Variants in NSMCE2 observed in about 807,000 individuals in gnomAD.
NSMCE2 encodes the protein NSE2 SUMO ligase component of SMC5/6 complex.
A neutral mutation model predicts 23.8 loss-of-function variants in NSMCE2; 24 were observed. That is an observed-to-expected ratio of 1.01 (90% CI 0.73 to 1.42). The LOEUF is 1.42. Among genes scored for constraint, NSMCE2 ranks in the 40% most tolerant of loss-of-function variants. NSMCE2 has a pLI of 0.00. For synonymous variants in NSMCE2, 92 were observed against 94.1 expected (o/e 0.98, Z 0.13); for missense variants, 284 against 296.5 (o/e 0.96, Z 0.31).
chr8:125,250,429 A>G (rs1321658231), intron 5 of NSMCE2, among the ~76,000 whole-genome samples: 1 of 152,148 alleles, frequency 6.6e-6, no homozygotes, highest in East Asian at 1.9e-4. Flanking sequence ...AGGTTAGACT[A>G]CCTCTATTGA....
At chr8:125,262,071 T>C (rs997847808) in intron 5 of NSMCE2, among the ~76,000 whole-genome samples, 3 of 151,528 alleles carry the variant, frequency 2.0e-5, no homozygotes, top group African/African-American at 7.3e-5. Flanking sequence ...CACTCCAGCC[T>C]GGGTGACAGG....
chr8:125,359,853 G>A (rs753062775), intron 7 of NSMCE2, among the ~76,000 whole-genome samples: 2 of 152,108 alleles, frequency 1.3e-5, no homozygotes, highest in Non-Finnish European at 2.9e-5. Context: ...CATGGGAGAC[G>A]AGGACAGTTT....
Position 125,357,259 on chromosome 8 carries a change from A to G in NSMCE2, c.459A>G (p.Gly153=). ...QADREADGTE[G]VDEDIIVTQS... ...ACAGAGAAGCTGACGGAACAGAAGG[A>G]GTGGATGAAGATATAATTGTGACCC... Residue 153 remains glycine (G), a synonymous_variant, in exon 6 of 8, where the codon GGA becomes GGG. Coordinates refer to ENST00000287437, the MANE Select transcript of NSMCE2 (RefSeq NM_173685.4). The G allele has an allele frequency of 6.2e-7, 1 of 1,613,860 alleles. No homozygotes were observed. Among genetic ancestry groups the G allele is most frequent in the East Asian group, 2.2e-5 (1 of 44,878 alleles).
At chr8:125,272,699 G>GATATATATATATATATAATAT (rs1242700898) in intron 5 of NSMCE2, among the ~76,000 whole-genome samples, 2 of 125,462 alleles carry the variant, frequency 1.6e-5, no homozygotes, top group African/African-American at 6.5e-5. Context: ...AGCTACTTGG[G>GATATATATATATATATAATAT]ATATATATAT....
intron 5 of NSMCE2, among the ~76,000 whole-genome samples, chr8:125,302,528 G>A (rs57687393): frequency 0.02 from 3,109 of 152,226 alleles, 106 homozygotes; most frequent in African/African-American, 0.071. Flanking sequence ...GGTTAATATG[G>A]GGTGAGAATT....
chr8:125,308,516 C>T (rs1012214085), intron 5 of NSMCE2, among the ~76,000 whole-genome samples: 9 of 152,106 alleles, frequency 5.9e-5, no homozygotes, highest in Non-Finnish European at 1.2e-4. Context: ...CATCTGGCCT[C>T]GTCCTTAGTC....
At chr8:125,140,235 TGAA>T (rs537305077) in intron 3 of NSMCE2, among the ~76,000 whole-genome samples, 17 of 152,332 alleles carry the variant, frequency 1.1e-4, no homozygotes, top group Admixed American at 8.5e-4. Flanking sequence ...CTAGCTTAAG[TGAA>T]GAAGAAGATT....
intron 5 of NSMCE2, among the ~76,000 whole-genome samples, chr8:125,192,724 C>T (rs970031314): frequency 2.6e-5 from 4 of 152,092 alleles, no homozygotes; most frequent in African/African-American, 4.8e-5. Flanking sequence ...TAATGGAAAT[C>T]GAAAGACCTA....
chr8:125,211,698 A>G (rs867633043), intron 5 of NSMCE2, among the ~76,000 whole-genome samples: 1 of 152,220 alleles, frequency 6.6e-6, no homozygotes, highest in Non-Finnish European at 1.5e-5. Context: ...CTACAACCCC[A>G]TCAACAATGT....
At chr8:125,101,292 A>G (rs2130351650) in intron 1 of NSMCE2, among the ~76,000 whole-genome samples, 1 of 152,300 alleles carries the variant, frequency 6.6e-6, no homozygotes, top group South Asian at 2.1e-4. Flanking sequence ...AGGTGGTAGC[A>G]ATGATGAGGA....
intron 3 of NSMCE2, among the ~76,000 whole-genome samples, chr8:125,128,677 C>T (rs1303237047): frequency 6.6e-6 from 1 of 152,162 alleles, no homozygotes; most frequent in Non-Finnish European, 1.5e-5. Context: ...AGGGGAAAAT[C>T]ATTGTCTTGC....
intron 5 of NSMCE2, among the ~76,000 whole-genome samples, chr8:125,339,032 C>A (rs75314396): frequency 6.6e-6 from 1 of 152,304 alleles, no homozygotes; most frequent in East Asian, 1.9e-4. Flanking sequence ...CCTGAGACAT[C>A]CTGTCAAAAC....
chr8:125,106,071 C>T (rs1217865458), intron 3 of NSMCE2, among the ~76,000 whole-genome samples: 1 of 151,308 alleles, frequency 6.6e-6, no homozygotes, highest in Non-Finnish European at 1.5e-5. Context: ...CACACACACA[C>T]ATTTTAACTA....
At chr8:125,107,205 T>C (rs1448397033) in intron 3 of NSMCE2, among the ~76,000 whole-genome samples, 1 of 149,756 alleles carries the variant, frequency 6.7e-6, no homozygotes, top group Non-Finnish European at 1.5e-5. Context: ...TTTTTTTTTT[T>C]TGAGATGGAG....
chr8:125,273,589 C>T (rs1827319548), intron 5 of NSMCE2, among the ~76,000 whole-genome samples: 2 of 152,192 alleles, frequency 1.3e-5, no homozygotes, highest in Non-Finnish European at 2.9e-5. Flanking sequence ...TTTAAAACTA[C>T]CTTTCCAACT....
At chr8:125,255,845 A>G (rs1045048637) in intron 5 of NSMCE2, among the ~76,000 whole-genome samples, 2 of 152,182 alleles carry the variant, frequency 1.3e-5, no homozygotes, top group Non-Finnish European at 1.5e-5. Flanking sequence ...ATGAATTCTG[A>G]AGCATGAAGA....
At chr8:125,355,048 C>T (rs192684297) in intron 5 of NSMCE2, among the ~76,000 whole-genome samples, 4 of 152,312 alleles carry the variant, frequency 2.6e-5, no homozygotes, top group Non-Finnish European at 5.9e-5. Flanking sequence ...AGTCTTGGGT[C>T]CCATCCCCCA....
intron 4 of NSMCE2, among the ~76,000 whole-genome samples, chr8:125,170,380 T>A (rs1224297474): frequency 9.3e-5 from 4 of 42,906 alleles, no homozygotes; most frequent in African/African-American, 6.5e-4. Context: ...TTATTTCTTT[T>A]TTTTTTTTTT....
At chr8:125,122,256 A>C (rs1819304673) in intron 3 of NSMCE2, among the ~76,000 whole-genome samples, 1 of 152,078 alleles carries the variant, frequency 6.6e-6, no homozygotes, top group Non-Finnish European at 1.5e-5. Flanking sequence ...ATACTTCAAC[A>C]AATCTCTAGA....
Sources: gnomAD v4.1 joint callset for allele counts (sites outside exome capture counted in the v4.1 genomes callset) on GRCh38, gnomAD v4.1.1 for gene constraint, MANE v1.5 for transcripts, NCBI Gene and HGNC (gene_info 2026-07-23, HGNC 2026-07-21) for gene names.